Variants in KIAA0825 observed in about 807,000 individuals in gnomAD.
KIAA0825 encodes uncharacterized protein KIAA0825.
In KIAA0825, 119 loss-of-function variants were observed where a neutral mutation model predicts 147.6. The ratio of observed to expected loss-of-function variants is 0.81; its 90% CI spans 0.69 to 0.94. The LOEUF is 0.94. Among genes scored for constraint, KIAA0825 ranks in the 40% least tolerant of loss-of-function variants. KIAA0825 has a pLI of 0.00. For missense variants in KIAA0825, 1,381 were observed against 1,472.7 expected (o/e 0.94, Z 1.02); for synonymous variants, 470 against 518.1 (o/e 0.91, Z 1.26).
At chr5:94,486,694 A>G (rs1763096360) in intron 5 of KIAA0825, among the ~76,000 whole-genome samples, 1 of 152,164 alleles carries the variant, frequency 6.6e-6, no homozygotes, top group Non-Finnish European at 1.5e-5. Flanking sequence ...ATATACAACT[A>G]AGGCTTTGCC....
At position 94,520,759 on chromosome 5, in the gene KIAA0825, G is replaced by A. The variant is rs749852489; in HGVS notation, c.459C>T (p.Ser153=). The change falls in exon 5 of 21, where the codon TCC becomes TCT. Residue 153 remains serine (S), a synonymous_variant. Transcript: ENST00000682413. The part of the protein sequence containing the change: ...RTSLHSVEDN[S]SMDVKSMWDD... ...CCCACATAGACTTGACATCCATAGA[G>A]GAATTATCTTCAACAGAATGAAGAG... 2 of 1,613,270 alleles carry A rather than the reference G, an allele frequency of 1.2e-6. No homozygotes were observed. Among genetic ancestry groups the A allele is most frequent in the Non-Finnish European group, 1.7e-6 (2 of 1,179,432 alleles).
Position 94,520,839 on chromosome 5 carries a change from C to T in KIAA0825, c.379G>A (p.Val127Ile), listed in dbSNP as rs186554892. The T allele has an allele frequency of 1.5e-5, 25 of 1,612,936 alleles. No homozygotes were observed. The highest frequency in any genetic ancestry group is 6.7e-5 in the East Asian group (3 of 44,846). ...LLWDLSCHSS[V>I]SFPSTLSGTS... ...CCACTTAGGGTTGATGGGAATGAAACGCTGCTGTGGCAGGAGAGGTCCCAA... is the reference window on the plus strand; with the variant it reads ...CCACTTAGGGTTGATGGGAATGAAATGCTGCTGTGGCAGGAGAGGTCCCAA... The change falls in exon 5 of 21, where the codon GTT becomes ATT. Residue 127 changes from valine to isoleucine, a missense_variant. Val to Ile is a conservative substitution (Grantham distance 29). Transcript: ENST00000682413.
chr5:94,311,244 T>G (rs1034942724), intron 20 of KIAA0825, among the ~76,000 whole-genome samples: 1 of 141,814 alleles, frequency 7.1e-6, no homozygotes, highest in Non-Finnish European at 1.5e-5. Context: ...GTTTTTTGGG[T>G]TTTTTTTTTG....
intron 3 of KIAA0825, among the ~76,000 whole-genome samples, chr5:94,529,466 T>C (rs1026042180): frequency 3.3e-5 from 4 of 119,656 alleles, no homozygotes; most frequent in Non-Finnish European, 7.7e-5. Context: ...TATATATATA[T>C]TGTGTGTATA....
chr5:94,480,826 C>T (rs1762414951), intron 6 of KIAA0825, among the ~76,000 whole-genome samples: 1 of 151,698 alleles, frequency 6.6e-6, no homozygotes, highest in Admixed American at 6.6e-5. Context: ...AAATATAATC[C>T]CTCTCCCCCA....
chr5:94,237,464 G>A (rs1242534002), intron 20 of KIAA0825, among the ~76,000 whole-genome samples: 1 of 152,168 alleles, frequency 6.6e-6, no homozygotes, highest in Non-Finnish European at 1.5e-5. Context: ...GGAAAAGAAA[G>A]CAAGCCAGCA....
chr5:94,561,714 T>C (rs1777586354), intron 2 of KIAA0825, among the ~76,000 whole-genome samples: 1 of 152,230 alleles, frequency 6.6e-6, no homozygotes, highest in Non-Finnish European at 1.5e-5. Context: ...TATATACATA[T>C]AGTTCCTCAT....
chr5:94,174,154 A>G (rs1450613524), intron 20 of KIAA0825, among the ~76,000 whole-genome samples: 2 of 152,184 alleles, frequency 1.3e-5, no homozygotes, highest in Non-Finnish European at 2.9e-5. Context: ...ATAGTTTATC[A>G]TTTCCACTTT....
chr5:94,288,577 T>C (rs1777755159), intron 20 of KIAA0825, among the ~76,000 whole-genome samples: 1 of 152,138 alleles, frequency 6.6e-6, no homozygotes, highest in African/African-American at 2.4e-5. Flanking sequence ...TATACACCTA[T>C]TTGGGTAGAG....
chr5:94,493,442 A>C (rs1272047313), intron 5 of KIAA0825, among the ~76,000 whole-genome samples: 1 of 152,184 alleles, frequency 6.6e-6, no homozygotes, highest in East Asian at 1.9e-4. Flanking sequence ...TGACAACCAA[A>C]ATATGTATTA....
At chr5:94,231,101 A>AT (rs1262378235) in intron 20 of KIAA0825, among the ~76,000 whole-genome samples, 1 of 152,096 alleles carries the variant, frequency 6.6e-6, no homozygotes, top group Admixed American at 6.6e-5. Context: ...AAATTCTGAA[A>AT]TTTTTCCGTT....
chr5:94,516,719 A>AG (rs70978113), intron 5 of KIAA0825, among the ~76,000 whole-genome samples: 149,111 of 149,120 alleles, frequency 1, 74,551 homozygotes, highest in Middle Eastern at 1. Context: ...TGAACCCGGA[A>AG]GTGGAGCTTG....
intron 20 of KIAA0825, among the ~76,000 whole-genome samples, chr5:94,285,868 G>A (rs1022673930): frequency 6.6e-6 from 1 of 152,060 alleles, no homozygotes; most frequent in African/African-American, 2.4e-5. Context: ...CCACGGCCAG[G>A]AAAAATAAAA....
At chr5:94,248,584 G>A (rs916642976) in intron 20 of KIAA0825, among the ~76,000 whole-genome samples, 8 of 152,090 alleles carry the variant, frequency 5.3e-5, no homozygotes, top group Non-Finnish European at 8.8e-5. Context: ...ATCTCTTGCT[G>A]TAATACAGAA....
At chr5:94,551,020 CAA>C (rs1775437099) in intron 2 of KIAA0825, among the ~76,000 whole-genome samples, 1 of 151,384 alleles carries the variant, frequency 6.6e-6, no homozygotes, top group South Asian at 2.1e-4. Flanking sequence ...AAAAATTCAA[CAA>C]AGTGATAGAT....
chr5:94,547,912 T>C (rs1459592360), intron 2 of KIAA0825, among the ~76,000 whole-genome samples: 1 of 151,490 alleles, frequency 6.6e-6, no homozygotes, highest in Non-Finnish European at 1.5e-5. Context: ...TATAATAGTA[T>C]ATCCTGCAAA....
intron 20 of KIAA0825, among the ~76,000 whole-genome samples, chr5:94,173,042 G>T (rs757925847): frequency 1.3e-4 from 20 of 152,080 alleles, no homozygotes; most frequent in Non-Finnish European, 2.8e-4. Flanking sequence ...TAGTAATAAA[G>T]TTAAATTATT....
Position 94,431,278 on chromosome 5 carries a change from G to A in KIAA0825, c.2497+8704C>T, listed in dbSNP as rs1300703974. On this transcript the variant is annotated intron_variant, in intron 14 of 20. Coordinates refer to ENST00000682413, the MANE Select transcript of KIAA0825 (RefSeq NM_001145678.3). ...AAGGTCAATATTAGTACCCCATTTAGAAATGAGAAAATGAGAGTTTAGAGA... is the reference window on the plus strand; with the variant it reads ...AAGGTCAATATTAGTACCCCATTTAAAAATGAGAAAATGAGAGTTTAGAGA... 2.0e-5 allele frequency among the ~76,000 whole-genome samples: 3 copies of A among 152,284 alleles called. No individual in the cohort carries two copies. In the East Asian group the frequency reaches 5.8e-4, roughly 29 times the overall value.
chr5:94,332,293 A>G (rs1004307880), intron 20 of KIAA0825, among the ~76,000 whole-genome samples: 9 of 151,212 alleles, frequency 6.0e-5, no homozygotes, highest in African/African-American at 2.2e-4. Context: ...TTTGTTACAT[A>G]GGTATACACG....
Sources: gnomAD v4.1 joint callset for allele counts (sites outside exome capture counted in the v4.1 genomes callset) on GRCh38, gnomAD v4.1.1 for gene constraint, MANE v1.5 for transcripts, NCBI Gene and HGNC (gene_info 2026-07-23, HGNC 2026-07-21) for gene names.